The following DCC variants were observed in gnomAD, a reference collection of about 807,000 sequenced individuals.
The protein encoded by DCC is DCC netrin 1 receptor.
Under a neutral mutation model 172.5 loss-of-function variants are expected in DCC, and 58 were observed. The observed-to-expected ratio is 0.34, with a 90% CI of 0.27 to 0.42. The LOEUF is 0.42. DCC is among the 10% of genes least tolerant of loss of function. DCC has a pLI of 1.00. For synonymous variants in DCC, 709 were observed against 644.5 expected (o/e 1.10, Z -1.52); for missense variants, 1,740 against 1,791.0 (o/e 0.97, Z 0.51).
intron 2 of DCC, among the ~76,000 whole-genome samples, chr18:52,829,438 C>G (rs1282020675): frequency 6.6e-6 from 1 of 152,146 alleles, no homozygotes; most frequent in Non-Finnish European, 1.5e-5. Flanking sequence ...ACTGAAGTCT[C>G]TTTAATCTCC....
chr18:52,503,424 C>G (rs1374115684), intron 1 of DCC, among the ~76,000 whole-genome samples: 28 of 152,048 alleles, frequency 1.8e-4, no homozygotes, highest in Non-Finnish European at 4.4e-5. Flanking sequence ...AATCTAAGCC[C>G]CTCCCTACTC....
chr18:53,331,064 C>T (rs1445790825), intron 14 of DCC, among the ~76,000 whole-genome samples: 2 of 152,158 alleles, frequency 1.3e-5, no homozygotes, highest in Non-Finnish European at 1.5e-5. Flanking sequence ...ACTCTAATTT[C>T]AGATAAATGA....
At chr18:52,973,047 T>C (rs1179958909) in intron 5 of DCC, among the ~76,000 whole-genome samples, 1 of 152,170 alleles carries the variant, frequency 6.6e-6, no homozygotes, top group Non-Finnish European at 1.5e-5. Flanking sequence ...ACAGACCACT[T>C]AACCAGTGTT....
At chr18:52,738,891 C>G (rs1291047329) in intron 1 of DCC, among the ~76,000 whole-genome samples, 1 of 113,540 alleles carries the variant, frequency 8.8e-6, no homozygotes, top group Non-Finnish European at 1.8e-5. Context: ...ACTACCACAT[C>G]TGGCTATTTA....
At chr18:53,261,316 G>A (rs1435952890) in intron 12 of DCC, among the ~76,000 whole-genome samples, 1 of 152,170 alleles carries the variant, frequency 6.6e-6, no homozygotes, top group Non-Finnish European at 1.5e-5. Flanking sequence ...CTGTAGACTG[G>A]AGCTGTTCCT....
intron 1 of DCC, among the ~76,000 whole-genome samples, chr18:52,470,202 A>G (rs961423895): frequency 1.3e-5 from 2 of 152,228 alleles, no homozygotes; most frequent in African/African-American, 4.8e-5. Flanking sequence ...TCGGCACCTT[A>G]GGAATAGCCC....
At chr18:52,671,369 C>T (rs1481037265) in intron 1 of DCC, among the ~76,000 whole-genome samples, 2 of 152,072 alleles carry the variant, frequency 1.3e-5, no homozygotes, top group East Asian at 3.9e-4. Context: ...CCTCTGCTCC[C>T]TCACCTTGCT....
intron 2 of DCC, among the ~76,000 whole-genome samples, chr18:52,831,455 C>G (rs763285720): frequency 1.3e-5 from 2 of 152,080 alleles, no homozygotes; most frequent in Admixed American, 6.6e-5. Context: ...TAAGCTGTTG[C>G]AACAATCCAG....
intron 2 of DCC, among the ~76,000 whole-genome samples, chr18:52,800,083 T>TA (rs35315892): frequency 6.6e-6 from 1 of 152,202 alleles, no homozygotes; most frequent in African/African-American, 2.4e-5. Context: ...TTTATTATGA[T>TA]AAATAGTGAT....
intron 5 of DCC, among the ~76,000 whole-genome samples, chr18:53,036,851 G>A (rs960556830): frequency 6.6e-6 from 1 of 151,984 alleles, no homozygotes; most frequent in South Asian, 2.1e-4. Context: ...GCTTGGAGAT[G>A]TGTTCTTTCA....
Position 52,771,436 on chromosome 18 carries a change from TCTC to T in DCC, c.412+19065_412+19067del, listed in dbSNP as rs557135834. ...TCCCTTAGAGAGCCACTAGCCTTCT[TCTC>T]CTTCCAGAGGCTGGGGATGCTCTCA... is the stretch of plus-strand genomic sequence containing the variant. On this transcript the variant is annotated intron_variant, in intron 2 of 28. Coordinates refer to ENST00000442544, the MANE Select transcript of DCC (RefSeq NM_005215.4). Among the ~76,000 whole-genome samples the T allele has an allele frequency of 1.8e-4, 28 of 152,306 alleles. No individual in the cohort carries two copies. The East Asian group carries it at 5.2e-3, about 28-fold the overall frequency.
chr18:52,823,760 C>A (rs148035676), intron 2 of DCC, among the ~76,000 whole-genome samples: 123 of 152,226 alleles, frequency 8.1e-4, no homozygotes, highest in African/African-American at 2.9e-3. Context: ...AGAATGAGCC[C>A]AACAACTAGG....
At chr18:52,840,671 T>C (rs1038710308) in intron 2 of DCC, among the ~76,000 whole-genome samples, 3 of 152,212 alleles carry the variant, frequency 2.0e-5, no homozygotes, top group Non-Finnish European at 4.4e-5. Context: ...ACGCAGGGCC[T>C]AAAATAAAAT....
chr18:53,366,221 T>G (rs561859328), intron 15 of DCC, among the ~76,000 whole-genome samples: 1 of 152,188 alleles, frequency 6.6e-6, no homozygotes, highest in Admixed American at 6.5e-5. Context: ...CATGACCAGC[T>G]AATTTTTGTG....
chr18:53,482,074 T>TTGTG (rs1379216604), intron 25 of DCC, among the ~76,000 whole-genome samples: 1 of 151,674 alleles, frequency 6.6e-6, no homozygotes, highest in Non-Finnish European at 1.5e-5. Context: ...ATGTGTGTGT[T>TTGTG]TGTGTGTGTG....
chr18:52,897,721 G>A (rs1181396494), intron 2 of DCC, among the ~76,000 whole-genome samples: 4 of 152,134 alleles, frequency 2.6e-5, no homozygotes, highest in Admixed American at 2.6e-4. Context: ...CACATAGGGT[G>A]AACATCGCTG....
At chr18:53,156,103 T>C (rs1339581147) in intron 7 of DCC, among the ~76,000 whole-genome samples, 1 of 152,214 alleles carries the variant, frequency 6.6e-6, no homozygotes, top group Non-Finnish European at 1.5e-5. Flanking sequence ...AGCGCTTTAT[T>C]AAACTCGGTG....
chr18:52,881,113 A>G (rs2039479125), intron 2 of DCC, among the ~76,000 whole-genome samples: 1 of 152,128 alleles, frequency 6.6e-6, no homozygotes, highest in African/African-American at 2.4e-5. Context: ...ATGATCGATG[A>G]TGTTGAGCAC....
intron 2 of DCC, among the ~76,000 whole-genome samples, chr18:52,803,302 A>G (rs897368532): frequency 3.3e-5 from 5 of 152,196 alleles, no homozygotes; most frequent in African/African-American, 4.8e-5. Flanking sequence ...CTCTGTGGAG[A>G]TGATGAGCAT....
Sources: allele counts gnomAD v4.1 joint callset (sites outside exome capture counted in the v4.1 genomes callset), GRCh38; gene constraint gnomAD v4.1.1; transcripts MANE v1.5; gene names NCBI Gene and HGNC (gene_info 2026-07-23, HGNC 2026-07-21).